The following LRRTM4 variants were observed in gnomAD, a reference collection of about 807,000 sequenced individuals.
LRRTM4 encodes leucine rich repeat transmembrane neuronal 4.
LRRTM4 carries 25 observed loss-of-function variants against 47.6 expected under a neutral mutation model. The observed-to-expected ratio is 0.53, with a 90% confidence interval of 0.38 to 0.73. The LOEUF (loss-of-function observed/expected upper bound fraction) is 0.73. Ranked by LOEUF, LRRTM4 falls within the 30% of genes least tolerant of loss-of-function variation. LRRTM4 has a pLI of 0.00. For missense variants in LRRTM4, 638 were observed against 713.4 expected, an observed-to-expected ratio of 0.89 and a Z score of 1.20; for synonymous variants, 311 against 269.5, an observed-to-expected ratio of 1.15 and a Z score of -1.51.
intron 3 of LRRTM4, among the ~76,000 whole-genome samples, chr2:77,053,762 T>G (rs1303106770): frequency 4.6e-5 from 7 of 151,910 alleles, no homozygotes; most frequent in Admixed American, 4.6e-4. Flanking sequence ...GAAAAAAAAG[T>G]AAGGGAAAAT....
intron 3 of LRRTM4, among the ~76,000 whole-genome samples, chr2:77,059,266 T>C (rs1295064277): frequency 6.6e-6 from 1 of 152,186 alleles, no homozygotes; most frequent in Non-Finnish European, 1.5e-5. Flanking sequence ...GACAAATATA[T>C]TGAGATTTGG....
chr2:76,969,183 T>G (rs957642265), intron 3 of LRRTM4, among the ~76,000 whole-genome samples: 4 of 151,932 alleles, frequency 2.6e-5, no homozygotes, highest in African/African-American at 9.7e-5. Flanking sequence ...AGCTAATTAG[T>G]CTCTTGGGCA....
At chr2:77,228,609 A>C (rs926807881) in intron 3 of LRRTM4, among the ~76,000 whole-genome samples, 2 of 152,294 alleles carry the variant, frequency 1.3e-5, no homozygotes, top group African/African-American at 4.8e-5. Context: ...CAAGGCTTGG[A>C]TTCCAGCCCA....
At chr2:77,086,897 G>T (rs377690696) in intron 3 of LRRTM4, among the ~76,000 whole-genome samples, 67 of 139,224 alleles carry the variant, frequency 4.8e-4, no homozygotes, top group Middle Eastern at 3.6e-3. Flanking sequence ...CCTGTTTCTG[G>T]CAGTAATGTT....
chr2:77,267,027 C>T (rs2104058029), intron 3 of LRRTM4, among the ~76,000 whole-genome samples: 1 of 152,214 alleles, frequency 6.6e-6, no homozygotes, highest in Admixed American at 6.5e-5. Flanking sequence ...AACAAAAATA[C>T]CCTGCTTTCC....
chr2:76,979,132 T>G (rs866062825), intron 3 of LRRTM4, among the ~76,000 whole-genome samples: 1 of 151,972 alleles, frequency 6.6e-6, no homozygotes, highest in African/African-American at 2.4e-5. Flanking sequence ...AACTGAGTAA[T>G]ATAAAGATTC....
At chr2:77,296,180 C>T (rs559887252) in intron 3 of LRRTM4, among the ~76,000 whole-genome samples, 17 of 152,054 alleles carry the variant, frequency 1.1e-4, no homozygotes, top group South Asian at 1.0e-3. Flanking sequence ...CTTGTAGATA[C>T]GATAGAAATA....
rs78036537 is a variant in LRRTM4, at chr2:77,074,168, T to C, written c.1552-325252A>G. Among the ~76,000 whole-genome samples the C allele has an allele frequency of 5.4e-3, 826 of 152,314 alleles. 6 individuals are homozygous for C. Among genetic ancestry groups the C allele is most frequent in the African/African-American group, 0.019 (784 of 41,582 alleles). On this transcript the variant is annotated intron_variant, in intron 3 of 3. Coordinates refer to ENST00000409884, the MANE Select transcript of LRRTM4 (RefSeq NM_001134745.3). ...GGCTCCAACTTCATCTGCATCTATT[T>C]CTCATCTAATTTTATGATTTTGTTT...
chr2:77,148,355 T>C (rs747810311), intron 3 of LRRTM4, among the ~76,000 whole-genome samples: 2 of 152,250 alleles, frequency 1.3e-5, no homozygotes, highest in East Asian at 1.9e-4. Flanking sequence ...GAGAACTCAA[T>C]TGAGTTGGGG....
intron 3 of LRRTM4, among the ~76,000 whole-genome samples, chr2:76,896,032 T>C (rs2103728145): frequency 6.6e-6 from 1 of 152,210 alleles, no homozygotes; most frequent in East Asian, 1.9e-4. Flanking sequence ...TTGTGCCAAG[T>C]AAAGTCTATG....
chr2:77,025,410 A>G (rs1469049422), intron 3 of LRRTM4, among the ~76,000 whole-genome samples: 3 of 152,136 alleles, frequency 2.0e-5, no homozygotes, highest in Non-Finnish European at 1.5e-5. Flanking sequence ...GTATGCTGAG[A>G]TGTAAGAGAA....
At chr2:77,139,716 T>A (rs769905404) in intron 3 of LRRTM4, among the ~76,000 whole-genome samples, 1 of 152,178 alleles carries the variant, frequency 6.6e-6, no homozygotes, top group African/African-American at 2.4e-5. Context: ...ATTATATATT[T>A]AGAAAACCCT....
intron 3 of LRRTM4, among the ~76,000 whole-genome samples, chr2:76,812,738 CCTCCTCCTCTCCCTCCTT>C (rs1670776186): frequency 8.1e-6 from 1 of 124,190 alleles, no homozygotes; most frequent in African/African-American, 3.2e-5. Context: ...TTCTCCTCCT[CCTCCTCCTCTCCCTCCTT>C]CTCCTCCTCC....
At chr2:76,963,917 A>G (rs956063091) in intron 3 of LRRTM4, among the ~76,000 whole-genome samples, 8 of 150,808 alleles carry the variant, frequency 5.3e-5, no homozygotes, top group African/African-American at 1.9e-4. Flanking sequence ...TTCTGAAAGT[A>G]TATTACACAA....
At chr2:77,253,817 C>T (rs1299191655) in intron 3 of LRRTM4, among the ~76,000 whole-genome samples, 1 of 143,748 alleles carries the variant, frequency 7.0e-6, no homozygotes, top group Non-Finnish European at 1.5e-5. Flanking sequence ...GCAATCTGAA[C>T]AACAGAAAAA....
chr2:76,871,185 A>G lies in LRRTM4; in HGVS notation c.1552-122269T>C, dbSNP rs150717810. Among the ~76,000 whole-genome samples the G allele has an allele frequency of 5.1e-4, 78 of 152,344 alleles. No individual in the cohort carries two copies. The East Asian group carries it at 0.015, about 29-fold the overall frequency. On this transcript the variant is annotated intron_variant, in intron 3 of 3. Coordinates refer to ENST00000409884, the MANE Select transcript of LRRTM4 (RefSeq NM_001134745.3). ...TTTCCATACATATAGAGATGCTAAA[A>G]TAGAAATGAACTTCTATTTAAAAGA... is the stretch of plus-strand genomic sequence containing the variant.
intron 3 of LRRTM4, among the ~76,000 whole-genome samples, chr2:77,432,408 T>C (rs1675417651): frequency 6.6e-6 from 1 of 152,240 alleles, no homozygotes; most frequent in African/African-American, 2.4e-5. Flanking sequence ...GTAGCTATGA[T>C]TATGTCAAAT....
At chr2:77,316,103 T>C (rs1366749184) in intron 3 of LRRTM4, among the ~76,000 whole-genome samples, 2 of 152,170 alleles carry the variant, frequency 1.3e-5, no homozygotes, top group Non-Finnish European at 2.9e-5. Context: ...AGTGTGATTG[T>C]TCTCTTTAAC....
intron 3 of LRRTM4, among the ~76,000 whole-genome samples, chr2:77,251,582 C>A (rs879382342): frequency 6.6e-6 from 1 of 152,062 alleles, no homozygotes; most frequent in Non-Finnish European, 1.5e-5. Context: ...TGTGTTTATT[C>A]ATCTAATCTC....
Sources: allele counts gnomAD v4.1 joint callset (sites outside exome capture counted in the v4.1 genomes callset), GRCh38; gene constraint gnomAD v4.1.1; transcripts MANE v1.5; gene names NCBI Gene and HGNC (gene_info 2026-07-23, HGNC 2026-07-21).